CDC25C: variants seen among roughly 807,000 people sequenced by gnomAD.
The protein encoded by CDC25C is cell division cycle 25C.
Under a neutral mutation model 52.5 loss-of-function variants are expected in CDC25C, and 48 were observed. The ratio of observed to expected loss-of-function variants is 0.91; its 90% CI spans 0.72 to 1.16. The LOEUF (loss-of-function observed/expected upper bound fraction) is 1.16, where lower values mean the gene tolerates loss of function less well. Among genes scored for constraint, CDC25C ranks in the 50% most tolerant of loss-of-function variants. The pLI, the probability that CDC25C is intolerant of heterozygous loss-of-function variation, is 0.00. For missense variants in CDC25C, 510 were observed against 566.1 expected, an observed-to-expected ratio of 0.90 and a Z score of 1.01; for synonymous variants, 187 against 206.5, an observed-to-expected ratio of 0.91 and a Z score of 0.81.
chr5:138,293,750 G>A (rs969756561), intron 7 of CDC25C, among the ~76,000 whole-genome samples: 1 of 150,716 alleles, frequency 6.6e-6, no homozygotes, highest in Non-Finnish European at 1.5e-5. Flanking sequence ...AGGCTCAAGC[G>A]ATCCTCCCAA....
chr5:138,333,031 C>T (rs1200021194), upstream of CDC25C, among the ~76,000 whole-genome samples: 2 of 152,096 alleles, frequency 1.3e-5, no homozygotes, highest in African/African-American at 2.4e-5. Flanking sequence ...GATTCTGATT[C>T]GGGATGTCTG....
At chr5:138,293,475 G>C (rs577057469) in intron 7 of CDC25C, among the ~76,000 whole-genome samples, 4 of 152,154 alleles carry the variant, frequency 2.6e-5, no homozygotes, top group African/African-American at 9.6e-5. Context: ...CTGAGGAGTA[G>C]GGTGCCTGGT....
chr5:138,288,423 G>T (rs1049992308), intron 10 of CDC25C, among the ~76,000 whole-genome samples: 1 of 152,082 alleles, frequency 6.6e-6, no homozygotes, highest in Non-Finnish European at 1.5e-5. Flanking sequence ...GGGGCTGGGC[G>T]CAGTGGCTCA....
intron 8 of CDC25C, among the ~76,000 whole-genome samples, chr5:138,291,128 A>T (rs11567993): frequency 1.3e-5 from 2 of 151,762 alleles, no homozygotes; most frequent in Admixed American, 6.6e-5. Context: ...TTAATTTTTT[A>T]TTTTATTTTT....
chr5:138,337,675 G>T (rs897955401), intron 1 of CDC25C: 1 of 322,810 alleles, frequency 3.1e-6, no homozygotes, highest in Non-Finnish European at 5.9e-6. Context: ...TAAGTCCTGG[G>T]TTTTTAAGGT....
chr5:138,294,597 C>T (rs1318457967), intron 7 of CDC25C, among the ~76,000 whole-genome samples: 8 of 150,846 alleles, frequency 5.3e-5, no homozygotes, highest in Admixed American at 4.0e-4. Flanking sequence ...CTCTGCCTCC[C>T]GGGTTCATGC....
intron 7 of CDC25C, among the ~76,000 whole-genome samples, chr5:138,303,302 C>T (rs1236580782): frequency 6.6e-6 from 1 of 152,088 alleles, no homozygotes; most frequent in Non-Finnish European, 1.5e-5. Context: ...AATTTGAGAA[C>T]TCTTATTCTA....
intron 7 of CDC25C, among the ~76,000 whole-genome samples, chr5:138,312,664 G>A (rs991233789): frequency 6.6e-6 from 1 of 152,164 alleles, no homozygotes; most frequent in Non-Finnish European, 1.5e-5. Flanking sequence ...ATAGAAAGTA[G>A]AATGGTGGTT....
intron 3 of CDC25C, 41 bp downstream of exon 3, chr5:138,329,512 G>T: frequency 8.1e-7 from 1 of 1,236,252 alleles, no homozygotes; most frequent in Non-Finnish European, 1.2e-6. Flanking sequence ...TCCCTTAAAA[G>T]TTATTCTTCC....
intron 7 of CDC25C, among the ~76,000 whole-genome samples, chr5:138,313,999 T>TTTCTTTC (rs1561701478): frequency 8.5e-4 from 7 of 8,248 alleles, no homozygotes; most frequent in South Asian, 8.5e-3. Flanking sequence ...TTCTTTCTTT[T>TTTCTTTC]TTTTTTTTTT....
At chr5:138,318,543 G>A (rs79145798) in intron 7 of CDC25C, among the ~76,000 whole-genome samples, 1 of 152,068 alleles carries the variant, frequency 6.6e-6, no homozygotes, top group African/African-American at 2.4e-5. Flanking sequence ...GTGAAACCCT[G>A]TCTCTACTAA....
chr5:138,301,931 T>C (rs1338937480), intron 7 of CDC25C, among the ~76,000 whole-genome samples: 1 of 152,052 alleles, frequency 6.6e-6, no homozygotes, highest in Admixed American at 6.6e-5. Context: ...CTCGAGCTCC[T>C]GACCTCAGGT....
chr5:138,324,992 C>T (rs944605346), intron 6 of CDC25C, among the ~76,000 whole-genome samples: 1 of 152,116 alleles, frequency 6.6e-6, no homozygotes, highest in Non-Finnish European at 1.5e-5. Flanking sequence ...ATCACTTGAA[C>T]CCGGGAGGCA....
At chr5:138,288,063 G>T (rs770327718) in intron 10 of CDC25C, among the ~76,000 whole-genome samples, 1 of 151,856 alleles carries the variant, frequency 6.6e-6, no homozygotes. Flanking sequence ...AATACTATAC[G>T]TTCATCATGA....
intron 7 of CDC25C, among the ~76,000 whole-genome samples, chr5:138,316,509 T>C (rs945144767): frequency 6.6e-6 from 1 of 151,766 alleles, no homozygotes. Context: ...TTCCTGTAAG[T>C]CCCCACCTTC....
chr5:138,289,644 T>C (rs1301353211), intron 9 of CDC25C, 81 bp from the exon 10 acceptor site: 2 of 1,186,510 alleles, frequency 1.7e-6, no homozygotes, highest in East Asian at 4.7e-5. Context: ...TTGTCCTTCT[T>C]TCCAAGTGAC....
In CDC25C at chr5:138,319,247, T is replaced by G. The variant is rs1208766660; in HGVS notation, c.587A>C (p.Glu196Ala). 1 of 1,613,248 alleles carries G rather than the reference T, an allele frequency of 6.2e-7. No individual in the cohort carries two copies. Among genetic ancestry groups the G allele is most frequent in the South Asian group, 1.1e-5 (1 of 90,918 alleles). The change falls in exon 7 of 14, where the codon GAG becomes GCG. Residue 196 changes from glutamate to alanine, a missense_variant. Physicochemically the swap from Glu to Ala is moderately radical, Grantham distance 107. Coordinates refer to ENST00000323760, the MANE Select transcript of CDC25C (RefSeq NM_001790.5). ...QAEEISDELM[E>A]FSLKDQEAKV... ...TGCTTCTTGATCTTTCAGGGAAAAC[T>G]CCATTAATTCATCTGAAATCTCTTC...
At position 138,313,993 on chromosome 5, in the gene CDC25C, TTC is replaced by T. The variant is rs1305602118; in HGVS notation, c.615+5224_615+5225del. Reference sequence around the variant, plus strand: ...TTTCTTTCTTTCTTTCTTTCTTTCTTTCTTTTTTTTTTTTTTTTGAGATGGAG... The same window carrying T: ...TTTCTTTCTTTCTTTCTTTCTTTCTTTTTTTTTTTTTTTTTTGAGATGGAG... On this transcript the variant is annotated intron_variant, in intron 7 of 13. Transcript: ENST00000323760. Among the ~76,000 whole-genome samples the T allele has an allele frequency of 2.2e-3, 213 of 97,934 alleles. 1 individual carries two copies. Among genetic ancestry groups the T allele is most frequent in the South Asian group, 7.0e-3 (21 of 2,992 alleles). 64.2% of individuals were successfully genotyped at this position (97,934 alleles called of 152,430 possible).
rs1756636986 is a variant in CDC25C at position 138,290,740 on chromosome 5, C to T, written c.763G>A (p.Gly255Ser). ...YFSGQGKLRK[G>S]LCLKKTVSLC... ...GAGACTGTCTTCTTTAAACATAAGC[C>T]CTGAAGATGACAAGATTCCCACCCC... Residue 255 changes from glycine (G) to serine (S), a missense_variant and splice_region_variant, in exon 9 of 14, where the codon GGC becomes AGC. By Grantham distance (56) the Gly-to-Ser change is moderately conservative. Transcript: ENST00000323760. The T allele has an allele frequency of 6.3e-7, 1 of 1,580,228 alleles. No homozygotes were observed. The highest frequency in any genetic ancestry group is 8.7e-7 in the Non-Finnish European group (1 of 1,149,590).
Sources: gnomAD v4.1 joint callset for allele counts (sites outside exome capture counted in the v4.1 genomes callset) on GRCh38, gnomAD v4.1.1 for gene constraint, MANE v1.5 for transcripts, NCBI Gene and HGNC (gene_info 2026-07-23, HGNC 2026-07-21) for gene names.